Variants in EFCAB6 observed in about 807,000 individuals in gnomAD.
EFCAB6 encodes EF-hand calcium binding domain 6, also known as EF-hand calcium-binding domain-containing protein 6.
Under a neutral mutation model 169.8 loss-of-function variants are expected in EFCAB6, and 156 were observed. The observed-to-expected ratio is 0.92, with a 90% CI of 0.81 to 1.05. EFCAB6 has a LOEUF of 1.05. Ranked by LOEUF, EFCAB6 falls within the 50% of genes least tolerant of loss-of-function variation. EFCAB6 has a pLI of 0.00. For synonymous variants in EFCAB6, 698 were observed against 676.4 expected (o/e 1.03, Z -0.50); for missense variants, 1,800 against 1,829.1 (o/e 0.98, Z 0.29).
chr22:43,576,618 A>G (rs778495782), intron 25 of EFCAB6, 130 bp from the exon 26 acceptor site: 54 of 699,696 alleles, frequency 7.7e-5, no homozygotes, highest in Non-Finnish European at 1.0e-4. Flanking sequence ...GTAAATTCTA[A>G]ATTACTAAAT....
chr22:43,679,660 T>G (rs2057924629), intron 12 of EFCAB6, among the ~76,000 whole-genome samples: 1 of 152,216 alleles, frequency 6.6e-6, no homozygotes, highest in Admixed American at 6.5e-5. Flanking sequence ...TTGTTTGTCT[T>G]TTTGATTATA....
intron 5 of EFCAB6, among the ~76,000 whole-genome samples, chr22:43,764,438 T>C (rs1388917268): frequency 1.3e-5 from 2 of 152,236 alleles, no homozygotes; most frequent in South Asian, 2.1e-4. Context: ...CAATCCACCA[T>C]TGGTAGGCAC....
chr22:43,683,471 C>T (rs139548889), intron 12 of EFCAB6, among the ~76,000 whole-genome samples: 1 of 152,186 alleles, frequency 6.6e-6, no homozygotes, highest in Non-Finnish European at 1.5e-5. Context: ...GCAACTATTA[C>T]GACCTTGCCA....
At chr22:43,583,989 G>A (rs2050894854) in intron 24 of EFCAB6, among the ~76,000 whole-genome samples, 1 of 152,136 alleles carries the variant, frequency 6.6e-6, no homozygotes, top group Non-Finnish European at 1.5e-5. Flanking sequence ...TGGAAAACAA[G>A]CTAGTTTTCC....
intron 26 of EFCAB6, among the ~76,000 whole-genome samples, chr22:43,567,999 G>A (rs2049563448): frequency 6.6e-6 from 1 of 152,160 alleles, no homozygotes; most frequent in Admixed American, 6.5e-5. Context: ...CAGCAACACT[G>A]ACCAGGGCCC....
rs2060505485 is a variant in EFCAB6, at chr22:43,744,837, A to G, written c.508-8844T>C. 6.6e-6 allele frequency among the ~76,000 whole-genome samples: 1 copy of G among 152,178 alleles called. No homozygotes were observed. The highest frequency in any genetic ancestry group is 1.5e-5 in the Non-Finnish European group (1 of 68,038). On this transcript the variant is annotated intron_variant, in intron 6 of 31. Transcript: ENST00000262726. This position sits in a 1 kb window ranked among gnomAD's most constrained non-coding sequence, Gnocchi z 4.3. The stretch of plus-strand genomic sequence containing the variant: ...GATCTGGGGGAGAGAGGAAGCAGAA[A>G]GAAGGAGGGAGGTACAGCCAGTGAG...
intron 2 of EFCAB6, among the ~76,000 whole-genome samples, chr22:43,784,505 A>G (rs960248642): frequency 1.9e-5 from 2 of 104,632 alleles, no homozygotes; most frequent in Non-Finnish European, 3.9e-5. Context: ...AAAAAAAAAT[A>G]TATATATGTG....
In EFCAB6 at chr22:43,714,799, A is replaced by T. The variant is rs542450785; in HGVS notation, c.882+2049T>A. 2.0e-5 allele frequency among the ~76,000 whole-genome samples: 3 copies of T among 152,354 alleles called. No individual in the cohort carries two copies. The South Asian group carries it at 6.2e-4, about 32-fold the overall frequency. On this transcript the variant is annotated intron_variant, in intron 9 of 31. Coordinates refer to ENST00000262726, the MANE Select transcript of EFCAB6 (RefSeq NM_022785.4). Reference sequence around the variant, plus strand: ...GCACCCATGAGCCTTTCCTAAGGAAATTACTTGACAATGAAATCCAGCCAA... The same window carrying T: ...GCACCCATGAGCCTTTCCTAAGGAATTTACTTGACAATGAAATCCAGCCAA...
At chr22:43,652,226 T>A (rs1439160187) in intron 17 of EFCAB6, among the ~76,000 whole-genome samples, 2 of 152,188 alleles carry the variant, frequency 1.3e-5, no homozygotes, top group Non-Finnish European at 2.9e-5. Context: ...AAGTCTTTCC[T>A]GTGCTGTTCT....
In EFCAB6 at chr22:43,797,009, C is replaced by T. The variant is rs558971535; in HGVS notation, c.-8+11986G>A. Reference sequence around the variant, plus strand: ...CACTGTTAAAATGTATAAGCCAATGCTTGCTGATGTGATATATATGAGAAT... The same window carrying T: ...CACTGTTAAAATGTATAAGCCAATGTTTGCTGATGTGATATATATGAGAAT... On this transcript the variant is annotated intron_variant, in intron 2 of 31. Transcript: ENST00000262726. Among the ~76,000 whole-genome samples the T allele has an allele frequency of 2.0e-5, 3 of 152,290 alleles. No homozygotes were observed. The East Asian group carries it at 5.8e-4, about 29-fold the overall frequency.
intron 10 of EFCAB6, among the ~76,000 whole-genome samples, chr22:43,692,101 C>G (rs1310911465): frequency 6.6e-6 from 1 of 150,478 alleles, no homozygotes; most frequent in Non-Finnish European, 1.5e-5. Context: ...CAAATTCTAT[C>G]TAACTCACCA....
At chr22:43,604,757 C>T (rs904598768) in intron 22 of EFCAB6, among the ~76,000 whole-genome samples, 2 of 151,886 alleles carry the variant, frequency 1.3e-5, no homozygotes, top group Non-Finnish European at 2.9e-5. Context: ...TTCACAGTCT[C>T]TTCTGTTTAT....
chr22:43,808,772 G>A (rs976737046), intron 2 of EFCAB6, among the ~76,000 whole-genome samples: 20 of 152,344 alleles, frequency 1.3e-4, no homozygotes, highest in African/African-American at 4.8e-4. Flanking sequence ...CCAGCAGGAA[G>A]AACTGGCAGG....
chr22:43,725,268 A>G (rs930087493), intron 8 of EFCAB6, among the ~76,000 whole-genome samples: 4 of 151,664 alleles, frequency 2.6e-5, no homozygotes, highest in African/African-American at 9.7e-5. Context: ...CAGCCTCCCG[A>G]ATAGCTGGGA....
chr22:43,604,227 T>C (rs1156637374), intron 22 of EFCAB6, among the ~76,000 whole-genome samples: 1 of 152,190 alleles, frequency 6.6e-6, no homozygotes, highest in African/African-American at 2.4e-5. Context: ...AGCACGAGAA[T>C]AGACTAATAT....
chr22:43,613,753 G>A (rs1006886437), intron 21 of EFCAB6, among the ~76,000 whole-genome samples: 1 of 152,038 alleles, frequency 6.6e-6, no homozygotes, highest in Non-Finnish European at 1.5e-5. Context: ...ACATATCCCT[G>A]AACCTAAAAT....
chr22:43,773,460 T>C (rs1468729389), intron 3 of EFCAB6, among the ~76,000 whole-genome samples: 1 of 152,250 alleles, frequency 6.6e-6, no homozygotes, highest in Non-Finnish European at 1.5e-5. Context: ...TTCATCCCCT[T>C]GCCAATTTTT....
At chr22:43,548,317 G>T (rs139193474) in intron 27 of EFCAB6, among the ~76,000 whole-genome samples, 15 of 151,896 alleles carry the variant, frequency 9.9e-5, no homozygotes, top group African/African-American at 3.6e-4. Context: ...AAAGCAGGTG[G>T]ATCACTTGAG....
chr22:43,788,277 C>A (rs1263101956), intron 2 of EFCAB6, among the ~76,000 whole-genome samples: 1 of 152,022 alleles, frequency 6.6e-6, no homozygotes, highest in African/African-American at 2.4e-5. Flanking sequence ...AGGATACTGT[C>A]AAGAAAGCAC....
Sources: allele counts gnomAD v4.1 joint callset (sites outside exome capture counted in the v4.1 genomes callset), GRCh38; gene constraint gnomAD v4.1.1; non-coding constraint Gnocchi (gnomAD v3.1); transcripts MANE v1.5; gene names NCBI Gene and HGNC (gene_info 2026-07-23, HGNC 2026-07-21).